The following TRIP11 variants were observed in gnomAD, a reference collection of about 807,000 sequenced individuals.
The protein encoded by TRIP11 is thyroid receptor-interacting protein 11.
Under a neutral mutation model 223.1 loss-of-function variants are expected in TRIP11, and 148 were observed. The observed-to-expected ratio is 0.66, with a 90% CI of 0.58 to 0.76. The LOEUF (loss-of-function observed/expected upper bound fraction) is 0.76. Among genes scored for constraint, TRIP11 ranks in the 30% least tolerant of loss-of-function variants. The pLI is 0.00. For synonymous variants in TRIP11, 762 were observed against 772.6 expected (o/e 0.99, Z 0.23); for missense variants, 2,043 against 2,222.0 (o/e 0.92, Z 1.62).
In TRIP11 at chr14:91,988,305, T is replaced by C. The variant is rs137914270; in HGVS notation, c.5239A>G (p.Ile1747Val). Residue 1747 changes from isoleucine to valine, a missense_variant, in exon 16 of 21, where the codon ATT becomes GTT. Coordinates refer to ENST00000267622, the MANE Select transcript of TRIP11 (RefSeq NM_004239.4). ...CTACTTTGTCTTTTAAGTTCTTCAA[T>C]TTGTTCTTCTTTTACATCTAACTGT... is the stretch of plus-strand genomic sequence containing the variant. ...TEQLDVKEEQ[I>V]EELKRQNELR... 2.7e-4 allele frequency: 434 copies of C among 1,612,876 alleles called. 4 individuals carry two copies. In the East Asian group the frequency reaches 9.3e-3, roughly 34 times the overall value.
intron 13 of TRIP11, 24 bp from the exon 14 acceptor site, chr14:91,995,539 C>T (rs779145474): frequency 1.2e-6 from 2 of 1,612,838 alleles, no homozygotes; most frequent in African/African-American, 1.3e-5. Flanking sequence ...GAATAAAAGT[C>T]AAACTGCTTC....
At position 91,972,548 on chromosome 14, in the gene TRIP11, CAAAAGCCTGATGCCTTATTGG is replaced by C. The variant is rs554262850; in HGVS notation, c.5719+148_5719+168del. Among the ~76,000 whole-genome samples the C allele has an allele frequency of 0.013, 2,010 of 152,222 alleles. 30 individuals carry two copies. The highest frequency in any genetic ancestry group is 0.045 in the African/African-American group (1,879 of 41,518). ...CAGATTGCTACAAGAATATATGAAG[CAAAAGCCTGATGCCTTATTGG>C]AAAAGCCTGATGCCTTATTGGAATT... is the stretch of plus-strand genomic sequence containing the variant. On this transcript the variant is annotated intron_variant, in intron 20 of 20. Transcript: ENST00000267622.
intron 5 of TRIP11, 119 bp from the exon 6 acceptor site, chr14:92,015,980 C>T: frequency 9.7e-7 from 1 of 1,032,588 alleles, no homozygotes; most frequent in South Asian, 1.7e-5. Flanking sequence ...CATGTTAAGG[C>T]TGAAAAGAAT....
chr14:92,030,393 ATTTTTT>A (rs1323096568), intron 2 of TRIP11: 6 of 151,572 alleles, frequency 4.0e-5, no homozygotes, highest in Non-Finnish European at 7.4e-5. Context: ...TTTTATTTTT[ATTTTTT>A]ATTTTTTTTG....
chr14:91,983,738 C>CA (rs1438168369), intron 16 of TRIP11, among the ~76,000 whole-genome samples: 2 of 152,078 alleles, frequency 1.3e-5, no homozygotes, highest in African/African-American at 4.8e-5. Flanking sequence ...CCACTTCTGC[C>CA]AAAAACATCT....
chr14:91,985,603 T>C (rs1468562902), intron 16 of TRIP11, among the ~76,000 whole-genome samples: 1 of 152,248 alleles, frequency 6.6e-6, no homozygotes, highest in Non-Finnish European at 1.5e-5. Context: ...ATGCTGAAAC[T>C]GTGTATCAAT....
chr14:91,972,923 G>C, intron 19 of TRIP11, 62 bp from the exon 20 acceptor site: 1 of 1,326,824 alleles, frequency 7.5e-7, no homozygotes, highest in Admixed American at 2.1e-5. Flanking sequence ...CTACAACTAA[G>C]GAAATGTACC....
Position 92,014,226 on chromosome 14 carries a change from T to C in TRIP11, c.1175A>G (p.Gln392Arg). The change falls in exon 7 of 21, where the codon CAA becomes CGA. Residue 392 changes from glutamine (Q) to arginine (R), a missense_variant. Coordinates refer to ENST00000267622, the MANE Select transcript of TRIP11 (RefSeq NM_004239.4). ...ASVEEVFRLQ[Q>R]ALSDAENEIM... ...CAAAGACTGTATACCAGACAGTGCT[T>C]GTTGTAGTCTGAACACTTCTTCCAC... 1 of 1,614,020 alleles carries C rather than the reference T, an allele frequency of 6.2e-7. No individual in the cohort carries two copies. Among genetic ancestry groups the C allele is most frequent in the Non-Finnish European group, 8.5e-7 (1 of 1,179,982 alleles).
intron 14 of TRIP11, among the ~76,000 whole-genome samples, chr14:91,994,440 C>T (rs949154552): frequency 3.7e-4 from 56 of 152,112 alleles, no homozygotes; most frequent in African/African-American, 1.3e-3. Context: ...GATGGGGTTT[C>T]ACCACATTGG....
intron 3 of TRIP11, among the ~76,000 whole-genome samples, chr14:92,024,557 G>C (rs1009970942): frequency 4.6e-5 from 7 of 151,860 alleles, no homozygotes; most frequent in South Asian, 2.1e-4. Flanking sequence ...TTTCACCTTA[G>C]CATGTCACTA....
intron 16 of TRIP11, among the ~76,000 whole-genome samples, chr14:91,987,509 G>A (rs1299603047): frequency 1.3e-5 from 2 of 152,102 alleles, no homozygotes. Flanking sequence ...TAGGTGGTAT[G>A]TATTTCTTAA....
rs749521821 is a variant in TRIP11 at position 91,988,417 on chromosome 14, CA to C, written c.5161-35del. 19 of 1,575,722 alleles carry C rather than the reference CA, an allele frequency of 1.2e-5. No homozygotes were observed. In the South Asian group the frequency reaches 1.4e-4, roughly 12 times the overall value. On this transcript the variant is annotated intron_variant, in intron 15 of 20. Coordinates refer to ENST00000267622, the MANE Select transcript of TRIP11 (RefSeq NM_004239.4). ...GAAAACTTTATTAAAAAAAAGTATGCAAAAATTATTTCACAAACTATAAGGC... is the reference window on the plus strand; with the variant it reads ...GAAAACTTTATTAAAAAAAAGTATGCAAAATTATTTCACAAACTATAAGGC...
At chr14:91,989,966 G>A (rs940390811) in intron 15 of TRIP11, among the ~76,000 whole-genome samples, 2 of 152,108 alleles carry the variant, frequency 1.3e-5, no homozygotes, top group Admixed American at 6.6e-5. Flanking sequence ...TGCCTGCTGA[G>A]TTCCAGCCTG....
At chr14:92,016,360 C>A (rs1028259991) in intron 5 of TRIP11, among the ~76,000 whole-genome samples, 1 of 152,160 alleles carries the variant, frequency 6.6e-6, no homozygotes, top group Non-Finnish European at 1.5e-5. Context: ...GAGCTGAGTC[C>A]ATCGACTAGG....
At position 91,967,599 on chromosome 14, in the gene TRIP11, A is replaced by C. The variant is rs764286864; in HGVS notation, c.*2074T>G. 2.5e-5 allele frequency: 5 copies of C among 199,552 alleles called. No homozygotes were observed. The highest frequency in any genetic ancestry group is 5.2e-5 in the Non-Finnish European group (5 of 96,734). 12.4% of individuals were successfully genotyped at this position (199,552 alleles called of 1,614,324 possible). ...ACAAGTTGTTTTGGTCAGAGAAGGAAATACTCAAAAATGTCACAAAAGGCA... is the reference window on the plus strand; with the variant it reads ...ACAAGTTGTTTTGGTCAGAGAAGGACATACTCAAAAATGTCACAAAAGGCA... On this transcript the variant is annotated 3_prime_UTR_variant, in exon 21 of 21. Coordinates refer to ENST00000267622, the MANE Select transcript of TRIP11 (RefSeq NM_004239.4).
At position 92,032,798 on chromosome 14, in the gene TRIP11, A is replaced by G. The variant is rs553032623; in HGVS notation, c.201+394T>C. 8.0e-5 allele frequency among the ~76,000 whole-genome samples: 12 copies of G among 150,012 alleles called. No homozygotes were observed. The Admixed American group carries it at 8.1e-4, about 10-fold the overall frequency. ...TAGTGAGCCAAGATAGTGCCACTGC[A>G]CTCCAGCCTGGGTGACAGAGTGAGA... On this transcript the variant is annotated intron_variant, in intron 2 of 20. Transcript: ENST00000267622.
At chr14:92,038,312 T>C (rs1317063187) in intron 1 of TRIP11, among the ~76,000 whole-genome samples, 1 of 152,108 alleles carries the variant, frequency 6.6e-6, no homozygotes, top group Non-Finnish European at 1.5e-5. Flanking sequence ...TTTTCCCCTA[T>C]CTAGGATACA....
intron 13 of TRIP11, among the ~76,000 whole-genome samples, chr14:91,997,667 A>G (rs2056768178): frequency 6.6e-6 from 1 of 152,004 alleles, no homozygotes; most frequent in African/African-American, 2.4e-5. Flanking sequence ...AGCAGAAGAA[A>G]AAGAAACAGG....
chr14:92,028,418 TG>T (rs2057217251), intron 2 of TRIP11, among the ~76,000 whole-genome samples: 1 of 152,132 alleles, frequency 6.6e-6, no homozygotes, highest in Non-Finnish European at 1.5e-5. Flanking sequence ...CTGGGCATGT[TG>T]GCTTGCACCC....
Sources: allele counts gnomAD v4.1 joint callset (sites outside exome capture counted in the v4.1 genomes callset), GRCh38; gene constraint gnomAD v4.1.1; transcripts MANE v1.5; gene names NCBI Gene and HGNC (gene_info 2026-07-23, HGNC 2026-07-21).